The following SIKE1 variants were observed in gnomAD, a reference collection of about 807,000 sequenced individuals.
The protein encoded by SIKE1 is suppressor of IKBKE 1.
Under a neutral mutation model 25.8 loss-of-function variants are expected in SIKE1, and 13 were observed. That is an observed-to-expected ratio of 0.50 (90% CI 0.33 to 0.80). SIKE1 has a LOEUF of 0.80. Ranked by LOEUF, SIKE1 falls within the 30% of genes least tolerant of loss-of-function variation. The pLI is 0.02. For missense variants in SIKE1, 222 were observed against 252.4 expected (o/e 0.88, Z 0.82); for synonymous variants, 86 against 95.5 (o/e 0.90, Z 0.58).
At position 114,771,100 on chromosome 1, in the gene SIKE1, CA is replaced by C. The variant is rs570911877; in HGVS notation, c.*3170del. Reference sequence around the variant, plus strand: ...ATTTGGCTTGGCAACAACTTTCTAGCAAACACAAGAAAACAGCATGAGGGAT... The same window carrying C: ...ATTTGGCTTGGCAACAACTTTCTAGCAACACAAGAAAACAGCATGAGGGAT... On this transcript the variant is annotated 3_prime_UTR_variant, in exon 5 of 5. Coordinates refer to ENST00000060969, the MANE Select transcript of SIKE1 (RefSeq NM_025073.3). 69 of 152,310 alleles carry C rather than the reference CA, an allele frequency of 4.5e-4. No homozygotes were observed. Among genetic ancestry groups the C allele is most frequent in the African/African-American group, 1.6e-3 (66 of 41,564 alleles). 9.4% of individuals were successfully genotyped at this position (152,310 alleles called of 1,614,324 possible).
At position 114,774,095 on chromosome 1, in the gene SIKE1, A is replaced by G. The variant is rs1183947747; in HGVS notation, c.*176T>C. 4.5e-6 allele frequency: 2 copies of G among 439,894 alleles called. No individual in the cohort carries two copies. The highest frequency in any genetic ancestry group is 3.9e-5 in the African/African-American group (2 of 50,672). 27.2% of individuals were successfully genotyped at this position (439,894 alleles called of 1,614,324 possible). A position where few individuals can be genotyped will look rare whatever the true frequency, so the allele number is the denominator to read the frequency against. On this transcript the variant is annotated 3_prime_UTR_variant, in exon 5 of 5. Coordinates refer to ENST00000060969, the MANE Select transcript of SIKE1 (RefSeq NM_025073.3). ...AAATTCAGCATGTAGTATTCACATT[A>G]ACACATCTGAGAACTGTGGACAGCC...
At chr1:114,779,047 G>C in intron 3 of SIKE1, 95 bp downstream of exon 3, 4 of 1,468,152 alleles carry the variant, frequency 2.7e-6, no homozygotes, top group Non-Finnish European at 2.8e-6. Context: ...ACAAGAGCCA[G>C]ACCCTATCTC....
In SIKE1 at chr1:114,771,220, A is replaced by C. The variant is rs1662061719; in HGVS notation, c.*3051T>G. The C allele has an allele frequency of 6.6e-6, 1 of 152,228 alleles. No individual in the cohort carries two copies. Among genetic ancestry groups the C allele is most frequent in the African/African-American group, 2.4e-5 (1 of 41,454 alleles). 9.4% of individuals were successfully genotyped at this position (152,228 alleles called of 1,614,324 possible). A position where few individuals can be genotyped will look rare whatever the true frequency, so the allele number is the denominator to read the frequency against. On this transcript the variant is annotated 3_prime_UTR_variant, in exon 5 of 5. Transcript: ENST00000060969. ...TCACTGATTAAACATTATTCCTTTCAGTTGAATCACACATACTCTCAGCTA... is the reference window on the plus strand; with the variant it reads ...TCACTGATTAAACATTATTCCTTTCCGTTGAATCACACATACTCTCAGCTA...
chr1:114,774,410 A>C, intron 4 of SIKE1, 38 bp from the exon 5 acceptor site: 1 of 1,353,252 alleles, frequency 7.4e-7, no homozygotes, highest in Non-Finnish European at 1.0e-6. Flanking sequence ...TGGTATTTTT[A>C]CTGTCCAACT....
rs1429580747 is a variant in SIKE1, at chr1:114,780,650, A to T, written c.-43T>A. 1 of 1,506,690 alleles carries T rather than the reference A, an allele frequency of 6.6e-7. No individual in the cohort carries two copies. The highest frequency in any genetic ancestry group is 1.2e-5 in the South Asian group (1 of 84,678). 93.3% of individuals were successfully genotyped at this position (1,506,690 alleles called of 1,614,324 possible). A position where few individuals can be genotyped will look rare whatever the true frequency, so the allele number is the denominator to read the frequency against. On this transcript the variant is annotated 5_prime_UTR_variant, in exon 1 of 5. Coordinates refer to ENST00000060969, the MANE Select transcript of SIKE1 (RefSeq NM_025073.3). ...AGCCCCTGCCGGGCTCAGCTACGCG[A>T]CTCGCTCAGATCTTCTGGGAGTCTG...
intron 2 of SIKE1, 37 bp downstream of exon 2, chr1:114,780,073 T>G: frequency 6.7e-7 from 1 of 1,481,650 alleles, no homozygotes; most frequent in South Asian, 1.2e-5. Flanking sequence ...TTGCAATAAC[T>G]TTAAACTATT....
chr1:114,774,166 G>A lies in SIKE1; in HGVS notation c.*105C>T. On this transcript the variant is annotated 3_prime_UTR_variant, in exon 5 of 5. Coordinates refer to ENST00000060969, the MANE Select transcript of SIKE1 (RefSeq NM_025073.3). Reference sequence around the variant, plus strand: ...ATTGCCACCTGATACCTTTAATTAAGATTAAATCAAATCTGAGGCAAGACA... The same window carrying A: ...ATTGCCACCTGATACCTTTAATTAAAATTAAATCAAATCTGAGGCAAGACA... 1.2e-6 allele frequency: 1 copy of A among 842,044 alleles called. No individual in the cohort carries two copies. 52.2% of individuals were successfully genotyped at this position (842,044 alleles called of 1,614,324 possible). A position where few individuals can be genotyped will look rare whatever the true frequency, so the allele number is the denominator to read the frequency against.
Position 114,769,913 on chromosome 1 carries a change from TTAAATA to T in SIKE1, c.*4352_*4357del, listed in dbSNP as rs1469012129. 1.3e-5 allele frequency: 2 copies of T among 152,170 alleles called. No homozygotes were observed. The highest frequency in any genetic ancestry group is 2.9e-5 in the Non-Finnish European group (2 of 68,026). 9.4% of individuals were successfully genotyped at this position (152,170 alleles called of 1,614,324 possible). On this transcript the variant is annotated 3_prime_UTR_variant, in exon 5 of 5. Transcript: ENST00000060969. The stretch of plus-strand genomic sequence containing the variant: ...CTTTTATAAGCATCAAATATTACAT[TTAAATA>T]TAAGTCCCAAATTATGTATAAAGTG...
chr1:114,774,430 C>T (rs755224240), intron 4 of SIKE1, 58 bp from the exon 5 acceptor site: 2 of 1,161,600 alleles, frequency 1.7e-6, no homozygotes, highest in South Asian at 2.9e-5. Flanking sequence ...TGCATTACAA[C>T]AACACATTAT....
At position 114,769,781 on chromosome 1, in the gene SIKE1, GAT is replaced by G. The variant is rs1662017583; in HGVS notation, c.*4488_*4489del. The G allele has an allele frequency of 6.6e-6, 1 of 152,140 alleles. No homozygotes were observed. The highest frequency in any genetic ancestry group is 2.1e-4 in the South Asian group (1 of 4,826). The allele number at this position is 152,140 out of a possible 1,614,324, so 9.4% of individuals were successfully genotyped here. ...AAAAGAGAGCGGGGGGGTCGGCAAA[GAT>G]AGGAGAAGAGCTCAAATAGATAAAA... is the stretch of plus-strand genomic sequence containing the variant. On this transcript the variant is annotated 3_prime_UTR_variant, in exon 5 of 5. Coordinates refer to ENST00000060969, the MANE Select transcript of SIKE1 (RefSeq NM_025073.3).
intron 4 of SIKE1, among the ~76,000 whole-genome samples, chr1:114,775,377 T>C (rs1662182935): frequency 6.6e-6 from 1 of 152,180 alleles, no homozygotes; most frequent in South Asian, 2.1e-4. Context: ...TATCATATAA[T>C]ACTAGGGTTA....
rs199922718 is a variant in SIKE1 at position 114,780,430 on chromosome 1, C to G, written c.159+19G>C. 1 of 1,612,854 alleles carries G rather than the reference C, an allele frequency of 6.2e-7. No individual in the cohort carries two copies. Among genetic ancestry groups the G allele is most frequent in the Non-Finnish European group, 8.5e-7 (1 of 1,180,032 alleles). ...GTGCCCAGAATCCGAGAGCACTGGA[C>G]TCCTACCCTCTGCCTGACCTGGTCC... On this transcript the variant is annotated intron_variant, in intron 1 of 4. Coordinates refer to ENST00000060969, the MANE Select transcript of SIKE1 (RefSeq NM_025073.3).
At chr1:114,776,251 A>C in intron 4 of SIKE1, 95 bp downstream of exon 4, 3 of 762,202 alleles carry the variant, frequency 3.9e-6, no homozygotes, top group Non-Finnish European at 6.8e-6. Flanking sequence ...CACACAGAAA[A>C]CATCAATATA....
chr1:114,780,440 C>CA lies in SIKE1; in HGVS notation c.159+8_159+9insT. 1 of 1,612,884 alleles carries CA rather than the reference C, an allele frequency of 6.2e-7. No homozygotes were observed. The highest frequency in any genetic ancestry group is 8.5e-7 in the Non-Finnish European group (1 of 1,180,032). On this transcript the variant is annotated intron_variant, in intron 1 of 4. Transcript: ENST00000060969. The stretch of plus-strand genomic sequence containing the variant: ...TCCGAGAGCACTGGACTCCTACCCT[C>CA]TGCCTGACCTGGTCCGGAAGCGCTG...
At chr1:114,775,993 T>G (rs1662227736) in intron 4 of SIKE1, among the ~76,000 whole-genome samples, 1 of 152,230 alleles carries the variant, frequency 6.6e-6, no homozygotes, top group Admixed American at 6.5e-5. Flanking sequence ...CTAAATAATA[T>G]GCTTATACTG....
Position 114,772,653 on chromosome 1 carries a change from G to C in SIKE1, c.*1618C>G, listed in dbSNP as rs1662101673. ...TTGGCCGTGGCTGCCAAATGGTATA[G>C]AGTACCTGCCTCTTGAATGGATTTA... On this transcript the variant is annotated 3_prime_UTR_variant, in exon 5 of 5. Coordinates refer to ENST00000060969, the MANE Select transcript of SIKE1 (RefSeq NM_025073.3). The C allele has an allele frequency of 6.6e-6, 1 of 152,158 alleles. No homozygotes were observed. The highest frequency in any genetic ancestry group is 1.5e-5 in the Non-Finnish European group (1 of 68,022). The allele number at this position is 152,158 out of a possible 1,614,324, so 9.4% of individuals were successfully genotyped here.
chr1:114,779,144 C>T lies in SIKE1; in HGVS notation c.406G>A (p.Ala136Thr), dbSNP rs1662332090. ...PVLKAHQSHS[A>T]EIESQIDRIC... ...CGAATTTATTCAAAGTTTCTTACTG[C>T]AGAGTGAGACTGGTGAGCTTTCAGG... Residue 136 changes from alanine (A) to threonine (T), a missense_variant and splice_region_variant, in exon 3 of 5, where the codon GCA becomes ACA. Ala to Thr is a moderately conservative substitution (Grantham distance 58). Coordinates refer to ENST00000060969, the MANE Select transcript of SIKE1 (RefSeq NM_025073.3). The T allele has an allele frequency of 6.2e-7, 1 of 1,613,834 alleles. No individual in the cohort carries two copies. The highest frequency in any genetic ancestry group is 8.5e-7 in the Non-Finnish European group (1 of 1,179,952).
Position 114,779,157 on chromosome 1 carries a change from G to C in SIKE1, c.393C>G (p.His131Gln). 5 of 1,614,188 alleles carry C rather than the reference G, an allele frequency of 3.1e-6. No homozygotes were observed. Among genetic ancestry groups the C allele is most frequent in the Non-Finnish European group, 4.2e-6 (5 of 1,180,042 alleles). ...AVDAEPVLKA[H>Q]QSHSAEIESQ... ...AGTTTCTTACTGCAGAGTGAGACTG[G>C]TGAGCTTTCAGGACTGGTTCAGCAT... The change falls in exon 3 of 5, where the codon CAC (histidine) becomes CAG (glutamine). Residue 131 changes from histidine to glutamine, a missense_variant. By Grantham distance (24) the His-to-Gln change is conservative. Coordinates refer to ENST00000060969, the MANE Select transcript of SIKE1 (RefSeq NM_025073.3).
At chr1:114,780,043 T>C (rs1662357427) in intron 2 of SIKE1, 67 bp downstream of exon 2, 3 of 1,100,794 alleles carry the variant, frequency 2.7e-6, no homozygotes, top group East Asian at 2.4e-5. Flanking sequence ...TGTACACTTT[T>C]GTAAATGTTT....
Sources: allele counts gnomAD v4.1 joint callset (sites outside exome capture counted in the v4.1 genomes callset), GRCh38; gene constraint gnomAD v4.1.1; transcripts MANE v1.5; gene names NCBI Gene and HGNC (gene_info 2026-07-23, HGNC 2026-07-21).